NRXN1: variants seen among roughly 807,000 people sequenced by gnomAD.
NRXN1 encodes neurexin 1.
NRXN1 carries 39 observed loss-of-function variants against 150.9 expected under a neutral mutation model. The ratio of observed to expected loss-of-function variants is 0.26; its 90% CI spans 0.20 to 0.34. The LOEUF is 0.34. Among genes scored for constraint, NRXN1 ranks in the 10% least tolerant of loss-of-function variants. The probability of loss-of-function intolerance (pLI) is 1.00; values close to 1 mark genes in which losing one functional copy is unlikely to be tolerated. For missense variants in NRXN1, 1,815 were observed against 1,949.9 expected, an observed-to-expected ratio of 0.93 and a Z score of 1.30; for synonymous variants, 924 against 757.0, an observed-to-expected ratio of 1.22 and a Z score of -3.62.
chr2:49,956,456 C>G (rs1347128156), intron 21 of NRXN1, among the ~76,000 whole-genome samples: 1 of 152,174 alleles, frequency 6.6e-6, no homozygotes, highest in Non-Finnish European at 1.5e-5. Context: ...ATTTTTACAA[C>G]TAATAAATGG....
At chr2:50,828,521 T>C (rs1249921591) in intron 5 of NRXN1, among the ~76,000 whole-genome samples, 4 of 141,748 alleles carry the variant, frequency 2.8e-5, no homozygotes, top group Non-Finnish European at 4.6e-5. Context: ...ACGGGGCGGC[T>C]GGGCAGAGAC....
intron 17 of NRXN1, among the ~76,000 whole-genome samples, chr2:50,248,110 T>C (rs1184182916): frequency 6.6e-6 from 1 of 152,078 alleles, no homozygotes; most frequent in African/African-American, 2.4e-5. Context: ...ACACCTGGGC[T>C]CAAGCAATCC....
chr2:50,409,702 T>C (rs1424264163), intron 17 of NRXN1, among the ~76,000 whole-genome samples: 1 of 152,216 alleles, frequency 6.6e-6, no homozygotes, highest in Non-Finnish European at 1.5e-5. Context: ...CAAAGTTTAG[T>C]TTCCCAGATG....
At chr2:50,323,036 A>G (rs970158340) in intron 17 of NRXN1, among the ~76,000 whole-genome samples, 1 of 152,214 alleles carries the variant, frequency 6.6e-6, no homozygotes, top group Non-Finnish European at 1.5e-5. Context: ...AAACTATTTA[A>G]CAACGTTCTT....
chr2:50,800,290 C>T (rs1256437611), intron 5 of NRXN1, among the ~76,000 whole-genome samples: 2 of 152,180 alleles, frequency 1.3e-5, no homozygotes, highest in Non-Finnish European at 2.9e-5. Context: ...AAGAGGATCA[C>T]TCTTCCCGTC....
intron 5 of NRXN1, among the ~76,000 whole-genome samples, chr2:50,726,279 A>G (rs1198818750): frequency 2.0e-5 from 3 of 152,218 alleles, no homozygotes; most frequent in Non-Finnish European, 4.4e-5. Context: ...ATCCTCAAAC[A>G]CTTCCTTGAA....
chr2:50,845,760 T>C lies in NRXN1; in HGVS notation c.832+76109A>G, dbSNP rs141220635. Reference sequence around the variant, plus strand: ...AAAATTTCCCCACATAATTCTGATATGCTTACCTCCCTCCCCACCACAGAT... The same window carrying C: ...AAAATTTCCCCACATAATTCTGATACGCTTACCTCCCTCCCCACCACAGAT... On this transcript the variant is annotated intron_variant, in intron 5 of 22. Coordinates refer to ENST00000401669, the MANE Select transcript of NRXN1 (RefSeq NM_001330078.2). Among the ~76,000 whole-genome samples, 717 of 152,326 alleles carry C rather than the reference T, an allele frequency of 4.7e-3. 2 individuals are homozygous for C. The highest frequency in any genetic ancestry group is 9.0e-3 in the Non-Finnish European group (610 of 68,028).
At chr2:50,323,404 G>C (rs2076175861) in intron 17 of NRXN1, among the ~76,000 whole-genome samples, 1 of 152,052 alleles carries the variant, frequency 6.6e-6, no homozygotes, top group East Asian at 1.9e-4. Context: ...CAAAAAGTCT[G>C]CCTCCCACTA....
At chr2:50,074,690 C>T (rs1392876503) in intron 19 of NRXN1, among the ~76,000 whole-genome samples, 2 of 152,056 alleles carry the variant, frequency 1.3e-5, no homozygotes, top group Non-Finnish European at 2.9e-5. Flanking sequence ...CTCTTGAGCT[C>T]TATAGAATTA....
intron 18 of NRXN1, among the ~76,000 whole-genome samples, chr2:50,176,223 T>A (rs536980056): frequency 1.3e-5 from 2 of 152,308 alleles, no homozygotes; most frequent in Non-Finnish European, 2.9e-5. Flanking sequence ...GTTTCACATA[T>A]GTTTCAGCTC....
intron 16 of NRXN1, chr2:50,466,615 A>G: frequency 2.6e-6 from 1 of 389,092 alleles, no homozygotes; most frequent in South Asian, 1.9e-5. Context: ...GAAAAATGCT[A>G]TGTAGAGCAA....
intron 5 of NRXN1, among the ~76,000 whole-genome samples, chr2:50,680,618 T>C (rs1055916535): frequency 1.3e-5 from 2 of 152,148 alleles, no homozygotes; most frequent in Non-Finnish European, 2.9e-5. Flanking sequence ...ATAACCTTTA[T>C]AATGTAACCA....
intron 5 of NRXN1, among the ~76,000 whole-genome samples, chr2:50,702,830 T>A (rs936436682): frequency 2.6e-5 from 4 of 152,172 alleles, no homozygotes; most frequent in African/African-American, 9.6e-5. Context: ...GTCACTGTTA[T>A]AATTATTTCT....
chr2:50,744,189 G>A (rs1387526904), intron 5 of NRXN1, among the ~76,000 whole-genome samples: 1 of 151,992 alleles, frequency 6.6e-6, no homozygotes, highest in Non-Finnish European at 1.5e-5. Context: ...TTACAAGAAG[G>A]AATAATAATA....
intron 22 of NRXN1, among the ~76,000 whole-genome samples, chr2:49,938,420 C>T (rs1671416599): frequency 6.6e-6 from 1 of 152,126 alleles, no homozygotes; most frequent in Non-Finnish European, 1.5e-5. Context: ...CAACATGATT[C>T]CTCTGATAGG....
intron 5 of NRXN1, among the ~76,000 whole-genome samples, chr2:50,892,885 C>T (rs557003704): frequency 1.3e-5 from 2 of 152,068 alleles, no homozygotes; most frequent in Non-Finnish European, 2.9e-5. Flanking sequence ...TTGACAACTC[C>T]CAACAAATAA....
intron 1 of NRXN1, among the ~76,000 whole-genome samples, chr2:51,029,499 T>C (rs1671146327): frequency 6.6e-6 from 1 of 152,248 alleles, no homozygotes; most frequent in Non-Finnish European, 1.5e-5. Flanking sequence ...AGTTTAATTT[T>C]TAAAATATGT....
intron 5 of NRXN1, among the ~76,000 whole-genome samples, chr2:50,679,212 C>A (rs1480414442): frequency 6.6e-6 from 1 of 151,838 alleles, no homozygotes; most frequent in African/African-American, 2.4e-5. Flanking sequence ...AGATAGATAC[C>A]AAGTAGGGAC....
intron 17 of NRXN1, among the ~76,000 whole-genome samples, chr2:50,268,341 T>C (rs2069141745): frequency 6.6e-6 from 1 of 152,212 alleles, no homozygotes; most frequent in Non-Finnish European, 1.5e-5. Context: ...AATTTACTAG[T>C]TCCTTAAGTA....
Sources: allele counts gnomAD v4.1 joint callset (sites outside exome capture counted in the v4.1 genomes callset), GRCh38; gene constraint gnomAD v4.1.1; transcripts MANE v1.5; gene names NCBI Gene and HGNC (gene_info 2026-07-23, HGNC 2026-07-21).